Variants in COL4A5 observed in about 807,000 individuals in gnomAD.
The protein encoded by COL4A5 is collagen type IV alpha 5 chain.
COL4A5 carries 26 observed loss-of-function variants against 130.2 expected under a neutral mutation model. The ratio of observed to expected loss-of-function variants is 0.20; its 90% CI spans 0.15 to 0.28. COL4A5 has a LOEUF of 0.28. Ranked by LOEUF, COL4A5 falls within the 10% of genes least tolerant of loss-of-function variation. The pLI is 1.00. For missense variants in COL4A5, 1,131 were observed against 1,344.3 expected (o/e 0.84, Z 2.48); for synonymous variants, 496 against 439.6 (o/e 1.13, Z -1.60).
At chrX:108,517,148 G>A (rs754214284) in intron 1 of COL4A5, among the ~76,000 whole-genome samples, 22 of 111,283 alleles carry the variant, frequency 2.0e-4, no homozygotes, top group Admixed American at 9.6e-4. Context: ...TATGTGCCAG[G>A]TTAGATATAA....
Position 108,686,150 on chromosome X carries a change from T to C in COL4A5, c.4315+21T>C, listed in dbSNP as rs373793270. 2.8e-5 allele frequency: 33 copies of C among 1,158,332 alleles called. No homozygotes were observed. The East Asian group carries it at 9.0e-4, about 32-fold the overall frequency. ...GCCAGGTAAGACAAGTAAAACATGC[T>C]GTTGGTGGAGGGAAAGTCTTTGAGT... On this transcript the variant is annotated intron_variant, in intron 48 of 52. Coordinates refer to ENST00000328300, the MANE Select transcript of COL4A5 (RefSeq NM_033380.3).
At chrX:108,636,723 C>T (rs1321047747) in intron 36 of COL4A5, among the ~76,000 whole-genome samples, 1 of 110,763 alleles carries the variant, frequency 9.0e-6, no homozygotes, top group African/African-American at 3.3e-5. Context: ...GGAACATTCT[C>T]CAGAATAGAC....
intron 41 of COL4A5, among the ~76,000 whole-genome samples, chrX:108,668,874 T>C (rs2068140120): frequency 8.9e-6 from 1 of 112,336 alleles, no homozygotes; most frequent in Non-Finnish European, 1.9e-5. Context: ...CTTCTCAGCA[T>C]GTCATCACAG....
chrX:108,500,719 G>A (rs1400240042), intron 1 of COL4A5, among the ~76,000 whole-genome samples: 1 of 111,910 alleles, frequency 8.9e-6, no homozygotes, highest in African/African-American at 3.2e-5. Context: ...TTATTAAATA[G>A]GTGACAACTT....
intron 36 of COL4A5, among the ~76,000 whole-genome samples, chrX:108,648,329 AG>A (rs1228265985): frequency 1.8e-5 from 2 of 111,631 alleles, no homozygotes; most frequent in Non-Finnish European, 3.8e-5. Context: ...AGACATTCAA[AG>A]AAGAATTGGC....
At chrX:108,625,933 C>T (rs1243383078) in intron 35 of COL4A5, 139 bp downstream of exon 35, 1 of 513,799 alleles carries the variant, frequency 1.9e-6, no homozygotes, top group East Asian at 3.6e-5. Flanking sequence ...GTAGTGTTCT[C>T]TTGTTACACA....
intron 50 of COL4A5, among the ~76,000 whole-genome samples, chrX:108,693,294 A>C (rs1342219037): frequency 9.0e-6 from 1 of 111,670 alleles, no homozygotes; most frequent in Non-Finnish European, 1.9e-5. Flanking sequence ...CATATGGAAA[A>C]AATATGTCTT....
intron 18 of COL4A5, among the ~76,000 whole-genome samples, chrX:108,585,858 T>C (rs985550130): frequency 9.0e-6 from 1 of 111,180 alleles, no homozygotes; most frequent in Non-Finnish European, 1.9e-5. Context: ...TAGGTATATA[T>C]ATTTATGGGG....
At chrX:108,569,359 A>G (rs1356326773) in intron 6 of COL4A5, among the ~76,000 whole-genome samples, 1 of 112,209 alleles carries the variant, frequency 8.9e-6, no homozygotes, top group Non-Finnish European at 1.9e-5. Flanking sequence ...TACATTTAAC[A>G]ATTTTAAATA....
At chrX:108,514,273 A>T (rs1249113388) in intron 1 of COL4A5, among the ~76,000 whole-genome samples, 2 of 112,476 alleles carry the variant, frequency 1.8e-5, no homozygotes, top group Non-Finnish European at 3.8e-5. Context: ...ATTCACTTGG[A>T]GCATTTTCAG....
At chrX:108,500,149 A>G (rs775709027) in intron 1 of COL4A5, among the ~76,000 whole-genome samples, 3 of 112,322 alleles carry the variant, frequency 2.7e-5, no homozygotes, top group Non-Finnish European at 5.6e-5. Context: ...GAATTAAAAA[A>G]TGGATAATTT....
In COL4A5 at chrX:108,465,169, A is replaced by G. The variant is rs977318671; in HGVS notation, c.81+24963A>G. Among the ~76,000 whole-genome samples, 22 of 112,054 alleles carry G rather than the reference A, an allele frequency of 2.0e-4. 1 individual carries two copies. The highest frequency in any genetic ancestry group is 5.6e-5 in the Non-Finnish European group (3 of 53,226). ...ATTTCTCTTGGGTGAGTGCAAAGGA[A>G]TAGAATTGCTGGGCTGCATAAATAT... On this transcript the variant is annotated intron_variant, in intron 1 of 52. Coordinates refer to ENST00000328300, the MANE Select transcript of COL4A5 (RefSeq NM_033380.3).
At chrX:108,674,197 A>G (rs1221106988) in intron 42 of COL4A5, among the ~76,000 whole-genome samples, 1 of 111,525 alleles carries the variant, frequency 9.0e-6, no homozygotes. Context: ...TGATTTTTCT[A>G]TTCTGTCACC....
At position 108,668,308 on chromosome X, in the gene COL4A5, T is replaced by C. The variant is rs774748452; in HGVS notation, c.3605-11T>C. On this transcript the variant is annotated splice_polypyrimidine_tract_variant and intron_variant, in intron 40 of 52. Transcript: ENST00000328300. The stretch of plus-strand genomic sequence containing the variant: ...TATTATTTATCTTCTAATTATACTT[T>C]ACTTTCATAGGCCAAAAGGGTGATG... 8.3e-7 allele frequency: 1 copy of C among 1,206,138 alleles called. No homozygotes were observed. The highest frequency in any genetic ancestry group is 2.2e-5 in the Admixed American group (1 of 46,047).
At chrX:108,546,920 A>G (rs2065667741) in intron 2 of COL4A5, among the ~76,000 whole-genome samples, 1 of 112,209 alleles carries the variant, frequency 8.9e-6, no homozygotes, top group Non-Finnish European at 1.9e-5. Context: ...AAACTTGTGC[A>G]TTCATCACGT....
intron 36 of COL4A5, among the ~76,000 whole-genome samples, chrX:108,633,213 A>G (rs1049354562): frequency 9.0e-6 from 1 of 111,098 alleles, no homozygotes; most frequent in Admixed American, 9.6e-5. Flanking sequence ...AGAGAGGAAG[A>G]GGTAAGGAAG....
At chrX:108,672,800 C>T (rs2068229833) in intron 42 of COL4A5, among the ~76,000 whole-genome samples, 1 of 111,263 alleles carries the variant, frequency 9.0e-6, no homozygotes, top group Non-Finnish European at 1.9e-5. Flanking sequence ...GTTATTGGTC[C>T]CTCTATATCA....
intron 22 of COL4A5, among the ~76,000 whole-genome samples, 186 bp downstream of exon 22, chrX:108,595,787 C>G (rs931748179): frequency 2.7e-5 from 3 of 112,385 alleles, no homozygotes; most frequent in African/African-American, 9.7e-5. Flanking sequence ...CTGAAGCTAC[C>G]AATATATTCT....
chrX:108,666,151 T>G (rs1453888840), intron 38 of COL4A5, among the ~76,000 whole-genome samples: 1 of 111,688 alleles, frequency 9.0e-6, no homozygotes, highest in Admixed American at 9.5e-5. Context: ...AAGCTTTGAT[T>G]TTTTTAGAAT....
Sources: allele counts gnomAD v4.1 joint callset (sites outside exome capture counted in the v4.1 genomes callset), GRCh38; gene constraint gnomAD v4.1.1; transcripts MANE v1.5; gene names NCBI Gene and HGNC (gene_info 2026-07-23, HGNC 2026-07-21).